Variants in SERPINE3 observed in about 807,000 individuals in gnomAD.
SERPINE3 encodes the protein serpin E3.
A neutral mutation model predicts 41.7 loss-of-function variants in SERPINE3; 43 were observed. That is an observed-to-expected ratio of 1.03 (90% confidence interval 0.81 to 1.33). SERPINE3 has a LOEUF of 1.33. Among genes scored for constraint, SERPINE3 ranks in the 40% most tolerant of loss-of-function variants. The pLI is 0.00. For missense variants in SERPINE3, 440 were observed against 491.7 expected, an observed-to-expected ratio of 0.89 and a Z score of 0.99; for synonymous variants, 200 against 192.2, an observed-to-expected ratio of 1.04 and a Z score of -0.34.
intron 5 of SERPINE3, 56 bp downstream of exon 5, chr13:51,347,290 C>T (rs1051772041): frequency 2.7e-6 from 4 of 1,494,228 alleles, no homozygotes; most frequent in Non-Finnish European, 3.7e-6. Context: ...GGCCTGAGGG[C>T]AGGAGAGAGG....
At chr13:51,346,303 G>A (rs924274277) in intron 4 of SERPINE3, among the ~76,000 whole-genome samples, 1 of 152,146 alleles carries the variant, frequency 6.6e-6, no homozygotes, top group African/African-American at 2.4e-5. Flanking sequence ...GAGAGATTCA[G>A]CTCAGCAGCG....
chr13:51,341,410 C>T (rs1955290072), intron 3 of SERPINE3, 63 bp downstream of exon 3: 14 of 1,437,408 alleles, frequency 9.7e-6, no homozygotes, highest in Non-Finnish European at 1.2e-5. Flanking sequence ...CTCTCTCCAG[C>T]TCACCCTCCT....
At chr13:51,348,757 G>T (rs1283826624) in intron 6 of SERPINE3, 1 of 252,412 alleles carries the variant, frequency 4.0e-6, no homozygotes, top group Non-Finnish European at 7.6e-6. Context: ...TGGTTCCCTT[G>T]TAGGAACGTT....
intron 7 of SERPINE3, among the ~76,000 whole-genome samples, chr13:51,358,366 T>A (rs940314670): frequency 1.8e-4 from 27 of 152,182 alleles, no homozygotes; most frequent in African/African-American, 5.8e-4. Flanking sequence ...TGGGACACAA[T>A]GTTTATACAA....
rs754835685 is a variant in SERPINE3, at chr13:51,355,024, G to A, written c.900-19G>A. The A allele has an allele frequency of 1.7e-5, 22 of 1,268,288 alleles. No individual in the cohort carries two copies. The highest frequency in any genetic ancestry group is 2.4e-5 in the Non-Finnish European group (21 of 891,190). The allele number at this position is 1,268,288 out of a possible 1,614,324, so 78.6% of individuals were successfully genotyped here. ...TGAGTGAGAATTTTGAAAGTTGATG[G>A]TTTGTTTTTGCCTTTTAGGTTTAGG... On this transcript the variant is annotated intron_variant, in intron 6 of 9. Transcript: ENST00000681248.
chr13:51,354,362 T>C (rs1382131724), intron 6 of SERPINE3: 1 of 152,178 alleles, frequency 6.6e-6, no homozygotes, highest in East Asian at 1.9e-4. Flanking sequence ...AATAATAACA[T>C]AGTTATATGA....
At chr13:51,364,012 G>T in intron 9 of SERPINE3, 1 of 315,408 alleles carries the variant, frequency 3.2e-6, no homozygotes, top group East Asian at 5.0e-5. Context: ...ATTCCTCCTA[G>T]TAATTCCAGA....
At chr13:51,341,438 C>A in intron 3 of SERPINE3, 91 bp downstream of exon 3, 1 of 1,212,068 alleles carries the variant, frequency 8.3e-7, no homozygotes, top group Middle Eastern at 2.6e-4. Context: ...CTCACACTCA[C>A]TCTCTCCAGC....
chr13:51,347,208 T>G lies in SERPINE3; in HGVS notation c.674T>G (p.Met225Arg). ...GGCCTCGTCCTTCAGGTCCCCATGA[T>G]GCACCAAACGACCGAGGTCAACTAC... ...AYGLVLQVPM[M>R]HQTTEVNYGQ... Residue 225 changes from methionine (M) to arginine (R), a missense_variant, in exon 5 of 10, where the codon ATG (methionine) becomes AGG (arginine). Transcript: ENST00000681248. The G allele has an allele frequency of 6.2e-7, 1 of 1,613,976 alleles. No homozygotes were observed. Among genetic ancestry groups the G allele is most frequent in the Non-Finnish European group, 8.5e-7 (1 of 1,179,876 alleles).
chr13:51,355,616 A>G (rs1341610529), intron 7 of SERPINE3, among the ~76,000 whole-genome samples: 5 of 152,194 alleles, frequency 3.3e-5, no homozygotes, highest in Non-Finnish European at 5.9e-5. Flanking sequence ...CTTTTTTCAA[A>G]TTACCCATAC....
At chr13:51,357,969 G>T in intron 7 of SERPINE3, among the ~76,000 whole-genome samples, 1 of 152,152 alleles carries the variant, frequency 6.6e-6, no homozygotes, top group East Asian at 1.9e-4. Context: ...AGAGTTGTTT[G>T]GTTGAGTATG....
At chr13:51,348,156 T>C in intron 5 of SERPINE3, 57 bp from the exon 6 acceptor site, 1 of 1,359,676 alleles carries the variant, frequency 7.4e-7, no homozygotes, top group Non-Finnish European at 1.0e-6. Context: ...GGTCCGACAC[T>C]GGTTCATTCT....
intron 4 of SERPINE3, 109 bp downstream of exon 4, chr13:51,344,594 G>A (rs1955327985): frequency 1.2e-6 from 1 of 823,462 alleles, no homozygotes; most frequent in Non-Finnish European, 2.0e-6. Context: ...TTCAATTACA[G>A]CAGAAGTCTG....
intron 4 of SERPINE3, among the ~76,000 whole-genome samples, chr13:51,345,592 CAAAAAAA>C (rs753888958): frequency 0.053 from 1,950 of 37,060 alleles, 46 homozygotes; most frequent in African/African-American, 0.15. Flanking sequence ...GATTTCATCT[CAAAAAAA>C]AAAAAAAAAA....
rs1717122206 is a variant in SERPINE3 at position 51,349,314 on chromosome 13, T to TAAGGGCCAAGGTCTA, written c.899+907_899+921dup. 3.3e-5 allele frequency among the ~76,000 whole-genome samples: 5 copies of TAAGGGCCAAGGTCTA among 152,202 alleles called. No homozygotes were observed. In the South Asian group the frequency reaches 1.0e-3, roughly 32 times the overall value. On this transcript the variant is annotated intron_variant, in intron 6 of 9. Coordinates refer to ENST00000681248, the MANE Select transcript of SERPINE3 (RefSeq NM_001386375.1). ...AAATACAAAGAGAGACCCAGTAAGT[T>TAAGGGCCAAGGTCTA]AAGGGCCAAGGTCTAAAGTGAGATC...
At chr13:51,348,168 C>A in intron 5 of SERPINE3, 45 bp from the exon 6 acceptor site, 1 of 1,460,540 alleles carries the variant, frequency 6.8e-7, no homozygotes, top group Non-Finnish European at 9.3e-7. Context: ...GTTCATTCTC[C>A]TGGCTCCTGG....
chr13:51,358,861 C>T (rs368779444), intron 7 of SERPINE3, among the ~76,000 whole-genome samples: 1 of 151,954 alleles, frequency 6.6e-6, no homozygotes, highest in East Asian at 1.9e-4. Context: ...TTATGGTGGG[C>T]TACAGTTTCC....
chr13:51,344,551 T>C, intron 4 of SERPINE3, 66 bp downstream of exon 4: 1 of 1,330,808 alleles, frequency 7.5e-7, no homozygotes, highest in Non-Finnish European at 1.1e-6. Context: ...GTCTCACCCA[T>C]CACTTGTCAG....
intron 3 of SERPINE3, among the ~76,000 whole-genome samples, chr13:51,342,274 T>C (rs1399858209): frequency 6.6e-6 from 1 of 150,848 alleles, no homozygotes; most frequent in Non-Finnish European, 1.5e-5. Context: ...CATCCCGGCC[T>C]ACCCATTCTT....
Sources: gnomAD v4.1 joint callset for allele counts (sites outside exome capture counted in the v4.1 genomes callset) on GRCh38, gnomAD v4.1.1 for gene constraint, MANE v1.5 for transcripts, NCBI Gene and HGNC (gene_info 2026-07-23, HGNC 2026-07-21) for gene names.